The following RGS12 variants were observed in gnomAD, a reference collection of about 807,000 sequenced individuals.
RGS12 encodes the protein regulator of G-protein signaling 12.
Under a neutral mutation model 120.1 loss-of-function variants are expected in RGS12, and 66 were observed. The observed-to-expected ratio is 0.55, with a 90% confidence interval of 0.45 to 0.67. RGS12 has a LOEUF of 0.67. Ranked by LOEUF, RGS12 falls within the 30% of genes least tolerant of loss-of-function variation. The pLI is 0.00. For synonymous variants in RGS12, 827 were observed against 804.7 expected (o/e 1.03, Z -0.47); for missense variants, 1,859 against 1,957.7 (o/e 0.95, Z 0.95).
rs145782949 is a variant in RGS12 at position 3,428,094 on chromosome 4, C to G, written c.3336C>G (p.Ser1112=). The G allele has an allele frequency of 3.1e-6, 5 of 1,612,890 alleles. No individual in the cohort carries two copies. Among genetic ancestry groups the G allele is most frequent in the Non-Finnish European group, 4.2e-6 (5 of 1,179,224 alleles). ...EEKDPSRGKA[S]ADKQKGVPVK... ...ATAAAGCTTTCTTATGTTTAGCATC[C>G]GCAGATAAACAGAAAGGTGTGCCAG... Residue 1112 remains serine (S), a synonymous_variant, in exon 15 of 18, where the codon TCC becomes TCG. Transcript: ENST00000336727.
chr4:3,404,774 G>T (rs879364575), intron 4 of RGS12, among the ~76,000 whole-genome samples: 1 of 152,270 alleles, frequency 6.6e-6, no homozygotes, highest in Non-Finnish European at 1.5e-5. Context: ...AACCCCAGTA[G>T]CAGTGAGCAC....
intron 3 of RGS12, chr4:3,370,112 G>A (rs972479292): frequency 2.0e-4 from 275 of 1,389,084 alleles, no homozygotes; most frequent in Non-Finnish European, 2.5e-4. Context: ...ACCCTGGCAA[G>A]CCACAGCTTC....
At chr4:3,379,324 A>G (rs1354739812) in intron 3 of RGS12, among the ~76,000 whole-genome samples, 1 of 152,154 alleles carries the variant, frequency 6.6e-6, no homozygotes, top group African/African-American at 2.4e-5. Context: ...CATTTATTGT[A>G]TGCTTGAAAT....
rs975906902 is a variant in RGS12 at position 3,384,705 on chromosome 4, C to T, written c.1999-1711C>T. ...TGCAGGCTGCTGTGTGTTTTCACTA[C>T]TGGGAAGTGGGTTGGGGGGCAGGAC... On this transcript the variant is annotated intron_variant, in intron 3 of 17. Coordinates refer to ENST00000336727, the MANE Select transcript of RGS12 (RefSeq NM_001394154.1). 3.3e-5 allele frequency among the ~76,000 whole-genome samples: 5 copies of T among 152,220 alleles called. No homozygotes were observed. The East Asian group carries it at 5.8e-4, about 18-fold the overall frequency.
chr4:3,351,321 A>T (rs1383942522), intron 3 of RGS12, among the ~76,000 whole-genome samples: 2 of 152,138 alleles, frequency 1.3e-5, no homozygotes, highest in African/African-American at 2.4e-5. Context: ...TCAGACAGAG[A>T]TACCTTTTAG....
intron 4 of RGS12, among the ~76,000 whole-genome samples, chr4:3,402,952 C>G (rs1056303498): frequency 1.3e-4 from 20 of 152,144 alleles, no homozygotes; most frequent in African/African-American, 4.6e-4. Flanking sequence ...CAGATGTGAC[C>G]TCACCAACTA....
At chr4:3,412,808 G>T (rs1256166584) in intron 4 of RGS12, among the ~76,000 whole-genome samples, 1 of 152,278 alleles carries the variant, frequency 6.6e-6, no homozygotes, top group African/African-American at 2.4e-5. Context: ...TCAGCTGCAG[G>T]CTAAGGACAG....
intron 17 of RGS12, among the ~76,000 whole-genome samples, chr4:3,438,429 T>G (rs1247159090): frequency 1.5e-5 from 2 of 136,980 alleles, no homozygotes; most frequent in South Asian, 2.6e-4. Flanking sequence ...GATGGGGGGG[T>G]GGGGTCAGTG....
intron 3 of RGS12, among the ~76,000 whole-genome samples, chr4:3,377,374 T>C (rs1271481914): frequency 6.6e-6 from 1 of 152,210 alleles, no homozygotes; most frequent in Non-Finnish European, 1.5e-5. Context: ...CCCAGCTGAT[T>C]ATTAAATTCT....
chr4:3,439,215 G>A lies in RGS12; in HGVS notation c.4115-240G>A, dbSNP rs186095376. Reference sequence around the variant, plus strand: ...GGGTGGTAGGGTTTCTGAGTGGGTCGGCTCCCCCACTTGGTGGCAGGTGTT... The same window carrying A: ...GGGTGGTAGGGTTTCTGAGTGGGTCAGCTCCCCCACTTGGTGGCAGGTGTT... On this transcript the variant is annotated intron_variant, in intron 17 of 17. Transcript: ENST00000336727. Among the ~76,000 whole-genome samples, 100 of 152,166 alleles carry A rather than the reference G, an allele frequency of 6.6e-4. 7 individuals carry two copies. In the South Asian group the frequency reaches 0.013, roughly 19 times the overall value.
intron 2 of RGS12, among the ~76,000 whole-genome samples, chr4:3,330,331 G>A (rs561023739): frequency 1.8e-4 from 28 of 152,306 alleles, no homozygotes; most frequent in Admixed American, 1.7e-3. Flanking sequence ...ATATCCTTGG[G>A]TTTGCCAGGA....
chr4:3,336,463 CT>C (rs2108753393), intron 2 of RGS12, among the ~76,000 whole-genome samples: 1 of 152,342 alleles, frequency 6.6e-6, no homozygotes, highest in East Asian at 1.9e-4. Flanking sequence ...TATATTGCCT[CT>C]TTTTGGAAAT....
intron 14 of RGS12, 77 bp downstream of exon 14, chr4:3,425,637 A>G (rs1577093241): frequency 7.7e-6 from 2 of 260,190 alleles, no homozygotes; most frequent in Admixed American, 5.1e-5. Flanking sequence ...GAGCCGGTGC[A>G]GGGGAGGGGG....
At position 3,316,949 on chromosome 4, in the gene RGS12, G is replaced by A. The variant is rs946644467; in HGVS notation, c.779G>A (p.Arg260Gln). The A allele has an allele frequency of 8.1e-6, 13 of 1,613,782 alleles. No homozygotes were observed. The highest frequency in any genetic ancestry group is 5.0e-5 in the Admixed American group (3 of 60,014). The change falls in exon 2 of 18, where the codon CGG (arginine) becomes CAG (glutamine). Residue 260 changes from arginine to glutamine, a missense_variant. Arg to Gln is a conservative substitution (Grantham distance 43). This residue lies in a region of RGS12 where 967 missense variants were observed against 994.2 expected (regional missense o/e 0.97). Coordinates refer to ENST00000336727, the MANE Select transcript of RGS12 (RefSeq NM_001394154.1). The part of the protein sequence containing the change: ...DSLQAIRGCM[R>Q]RLRAEQKIHS... Reference sequence around the variant, plus strand: ...TTGCAAGCCATCCGCGGCTGCATGCGGCGCCTGCGGGCAGAGCAGAAAATC... The same window carrying A: ...TTGCAAGCCATCCGCGGCTGCATGCAGCGCCTGCGGGCAGAGCAGAAAATC...
rs376525855 is a variant in RGS12, at chr4:3,316,360, A to G, written c.190A>G (p.Ile64Val). ...DFVGLRAGDQ[I>V]LAVNEINVKK... ...CGTGGGCCTCCGAGCTGGAGACCAG[A>G]TACTTGCTGTCAATGAAATCAACGT... The change falls in exon 2 of 18, where the codon ATA becomes GTA. Residue 64 changes from isoleucine (I) to valine (V), a missense_variant. Physicochemically the swap from Ile to Val is conservative, Grantham distance 29. Coordinates refer to ENST00000336727, the MANE Select transcript of RGS12 (RefSeq NM_001394154.1). The G allele has an allele frequency of 1.2e-6, 2 of 1,614,216 alleles. No homozygotes were observed. The highest frequency in any genetic ancestry group is 1.3e-5 in the African/African-American group (1 of 75,078).
chr4:3,297,483 C>T (rs1265177954), intron 1 of RGS12, among the ~76,000 whole-genome samples: 2 of 152,212 alleles, frequency 1.3e-5, no homozygotes, highest in African/African-American at 4.8e-5. Flanking sequence ...TCTGTCCCAC[C>T]AGCCTCCCTG....
intron 1 of RGS12, among the ~76,000 whole-genome samples, chr4:3,299,230 A>G (rs1002752789): frequency 1.3e-5 from 2 of 152,034 alleles, no homozygotes; most frequent in Non-Finnish European, 1.5e-5. Context: ...ACCACTGGCC[A>G]GGACCTAGGC....
chr4:3,363,377 G>C (rs1469131744), intron 3 of RGS12, among the ~76,000 whole-genome samples: 3 of 152,150 alleles, frequency 2.0e-5, no homozygotes, highest in African/African-American at 4.8e-5. Context: ...TAAAAATCCT[G>C]TTTCAGCTTG....
chr4:3,435,516 C>G (rs913105753), intron 17 of RGS12, among the ~76,000 whole-genome samples: 1 of 150,866 alleles, frequency 6.6e-6, no homozygotes, highest in Non-Finnish European at 1.5e-5. Flanking sequence ...CTCTCCAAAG[C>G]CCCCTCTCCC....
Sources: allele counts gnomAD v4.1 joint callset (sites outside exome capture counted in the v4.1 genomes callset), GRCh38; gene constraint gnomAD v4.1.1; regional missense constraint gnomAD v4.1.1; transcripts MANE v1.5; gene names NCBI Gene and HGNC (gene_info 2026-07-23, HGNC 2026-07-21).